The following ASB9 variants were observed in gnomAD, a reference collection of about 807,000 sequenced individuals.
The protein encoded by ASB9 is ankyrin repeat and SOCS box protein 9.
A neutral mutation model predicts 16.6 loss-of-function variants in ASB9; 5 were observed. The ratio of observed to expected loss-of-function variants is 0.30; its 90% CI spans 0.16 to 0.63. ASB9 has a LOEUF of 0.63. Among genes scored for constraint, ASB9 ranks in the 30% least tolerant of loss-of-function variants. ASB9 has a pLI of 0.82. For missense variants in ASB9, 216 were observed against 229.4 expected (o/e 0.94, Z 0.38); for synonymous variants, 100 against 86.4 (o/e 1.16, Z -0.87).
Position 15,244,565 on chromosome X carries a change from G to A in ASB9, c.826C>T (p.His276Tyr). 1 of 1,196,367 alleles carries A rather than the reference G, an allele frequency of 8.4e-7. No individual in the cohort carries two copies. Among genetic ancestry groups the A allele is most frequent in the Non-Finnish European group, 1.1e-6 (1 of 882,164 alleles). ...IRKCFGIQQH[H>Y]KITKLVLPED... is the part of the protein sequence containing the mutation. ...GGGAGGACGAGTTTGGTTATCTTAT[G>A]ATGCTGCTGGATTCCAAAACACTTC... The change falls in exon 7 of 7, where the codon CAT (histidine) becomes TAT (tyrosine). Residue 276 changes from histidine (H) to tyrosine (Y), a missense_variant. His to Tyr is a moderately conservative substitution (Grantham distance 83). Transcript: ENST00000380488.
chrX:15,248,590 T>C, intron 6 of ASB9, 154 bp downstream of exon 6: 2 of 946,300 alleles, frequency 2.1e-6, no homozygotes. Context: ...CTGTATCTCA[T>C]TGAATATTGA....
At chrX:15,251,617 C>T (rs1925126686) in intron 4 of ASB9, among the ~76,000 whole-genome samples, 1 of 111,984 alleles carries the variant, frequency 8.9e-6, no homozygotes, top group Admixed American at 9.5e-5. Context: ...AGAAAGCCCT[C>T]TGGCAAGGTA....
Position 15,248,833 on chromosome X carries a change from T to C in ASB9, c.671A>G (p.Asp224Gly), listed in dbSNP as rs763493741. ...LACLLMDFGADTQAKNAEGKR... is the reference protein window; with the variant it reads ...LACLLMDFGAGTQAKNAEGKR... Reference sequence around the variant, plus strand: ...GCCTTCAGCATTCTTGGCCTGGGTGTCCGCTCCAAAATCCATGAGCAGGCA... The same window carrying C: ...GCCTTCAGCATTCTTGGCCTGGGTGCCCGCTCCAAAATCCATGAGCAGGCA... Residue 224 changes from aspartate to glycine, a missense_variant, in exon 6 of 7, where the codon GAC becomes GGC. By Grantham distance (94) the Asp-to-Gly change is moderately conservative. Coordinates refer to ENST00000380488, the MANE Select transcript of ASB9 (RefSeq NM_001031739.3). 5.8e-6 allele frequency: 7 copies of C among 1,211,696 alleles called. No homozygotes were observed. Among genetic ancestry groups the C allele is most frequent in the Non-Finnish European group, 6.7e-6 (6 of 895,413 alleles).
At chrX:15,267,752 CAAAAA>C (rs76177108) in intron 1 of ASB9, among the ~76,000 whole-genome samples, 4,150 of 83,510 alleles carry the variant, frequency 0.05, 99 homozygotes, top group Middle Eastern at 0.079. Flanking sequence ...TCAAAAAAAA[CAAAAA>C]AAAAAAAAAA....
intron 2 of ASB9, among the ~76,000 whole-genome samples, chrX:15,258,071 G>A (rs1925718886): frequency 8.9e-6 from 1 of 112,107 alleles, no homozygotes. Context: ...AGAAATAATG[G>A]TTACTGTATC....
At position 15,248,923 on chromosome X, in the gene ASB9, T is replaced by C. The variant is rs1256505931; in HGVS notation, c.581A>G (p.Asn194Ser). Residue 194 changes from asparagine (N) to serine (S), a missense_variant, in exon 6 of 7, where the codon AAC becomes AGC. Physicochemically the swap from Asn to Ser is conservative, Grantham distance 46. Transcript: ENST00000380488. ...KKLLESGADV[N>S]QGKGQDSPLH... The stretch of plus-strand genomic sequence containing the variant: ...TGGGGAATCCTGACCTTTCCCTTGG[T>C]TCACGTCCGCTCCTAAACAGTCACG... 1 of 1,192,762 alleles carries C rather than the reference T, an allele frequency of 8.4e-7. No homozygotes were observed. The highest frequency in any genetic ancestry group is 1.9e-5 in the South Asian group (1 of 53,923).
In ASB9 at chrX:15,252,292, C is replaced by G. The variant is rs1234348778; in HGVS notation, c.395G>C (p.Ser132Thr). ...LQHGASVQPE[S>T]DLASPIHEAA... ...TTCATGGATGGGGGATGCCAGATCACTCTCAGGTTGAACGCTGGCTCCGTG... is the reference window on the plus strand; with the variant it reads ...TTCATGGATGGGGGATGCCAGATCAGTCTCAGGTTGAACGCTGGCTCCGTG... Residue 132 changes from serine to threonine, a missense_variant, in exon 4 of 7, where the codon AGT becomes ACT. Coordinates refer to ENST00000380488, the MANE Select transcript of ASB9 (RefSeq NM_001031739.3). 5.8e-6 allele frequency: 7 copies of G among 1,209,409 alleles called. No homozygotes were observed. In the Admixed American group the frequency reaches 1.5e-4, roughly 27 times the overall value.
intron 1 of ASB9, among the ~76,000 whole-genome samples, chrX:15,261,439 G>A (rs920850477): frequency 9.0e-6 from 1 of 111,508 alleles, no homozygotes; most frequent in Non-Finnish European, 1.9e-5. Context: ...AGCTCCCTAA[G>A]ATTATTATTG....
intron 6 of ASB9, among the ~76,000 whole-genome samples, chrX:15,248,026 G>T (rs1031737694): frequency 1.8e-5 from 2 of 112,051 alleles, no homozygotes; most frequent in African/African-American, 6.5e-5. Context: ...GAATCCCTAA[G>T]ACTTCAGAGT....
intron 1 of ASB9, among the ~76,000 whole-genome samples, chrX:15,260,098 A>G (rs956548704): frequency 4.5e-5 from 5 of 112,038 alleles, no homozygotes; most frequent in African/African-American, 1.6e-4. Flanking sequence ...CATCATTGCT[A>G]TTTAAAATAG....
intron 4 of ASB9, 140 bp from the exon 5 acceptor site, chrX:15,250,704 G>A: frequency 4.0e-6 from 2 of 500,963 alleles, no homozygotes; most frequent in Non-Finnish European, 6.3e-6. Flanking sequence ...TTAGAATCAG[G>A]AGTGATTTTA....
At chrX:15,257,303 G>C (rs1448249917) in intron 2 of ASB9, among the ~76,000 whole-genome samples, 1 of 110,693 alleles carries the variant, frequency 9.0e-6, no homozygotes, top group Non-Finnish European at 1.9e-5. Flanking sequence ...CAGCTACTCG[G>C]GAGGCTGAGG....
At chrX:15,262,716 C>G (rs1926071886) in intron 1 of ASB9, among the ~76,000 whole-genome samples, 1 of 112,680 alleles carries the variant, frequency 8.9e-6, no homozygotes, top group Non-Finnish European at 1.9e-5. Context: ...ACTGCAACCT[C>G]CACCTCCTGG....
At position 15,244,180 on chromosome X, in the gene ASB9, T is replaced by C. The variant is rs17216316; in HGVS notation, c.*326A>G. On this transcript the variant is annotated 3_prime_UTR_variant, in exon 7 of 7. Coordinates refer to ENST00000380488, the MANE Select transcript of ASB9 (RefSeq NM_001031739.3). ...ATCTTGACCCAGTGGCTGTGAGGGCTAAATTAGATGATGCAGAAAGTGCTT... is the reference window on the plus strand; with the variant it reads ...ATCTTGACCCAGTGGCTGTGAGGGCCAAATTAGATGATGCAGAAAGTGCTT... 6.1e-3 allele frequency: 1,095 copies of C among 179,091 alleles called. 9 individuals carry two copies. Among genetic ancestry groups the C allele is most frequent in the Non-Finnish European group, 8.6e-3 (846 of 98,010 alleles). 14.8% of individuals were successfully genotyped at this position (179,091 alleles called of 1,213,427 possible).
Position 15,251,889 on chromosome X carries a change from G to A in ASB9, c.433+365C>T, listed in dbSNP as rs748368831. Among the ~76,000 whole-genome samples the A allele has an allele frequency of 7.1e-5, 8 of 112,409 alleles. No homozygotes were observed. In the East Asian group the frequency reaches 2.2e-3, roughly 31 times the overall value. On this transcript the variant is annotated intron_variant, in intron 4 of 6. Transcript: ENST00000380488. ...TCTATAAGGTCACGGGTATAACAAC[G>A]GATTCCACAAATATTGATGGATAGT...
intron 6 of ASB9, among the ~76,000 whole-genome samples, chrX:15,246,767 G>A (rs1602134680): frequency 9.0e-6 from 1 of 111,306 alleles, no homozygotes; most frequent in Admixed American, 9.6e-5. Context: ...GTGAGCCACC[G>A]TGCCCGGCCA....
At position 15,252,305 on chromosome X, in the gene ASB9, C is replaced by T. The variant is rs964549174; in HGVS notation, c.382G>A (p.Val128Ile). 3.3e-6 allele frequency: 4 copies of T among 1,209,744 alleles called. No individual in the cohort carries two copies. Among genetic ancestry groups the T allele is most frequent in the East Asian group, 3.0e-5 (1 of 33,789 alleles). Residue 128 changes from valine to isoleucine, a missense_variant, in exon 4 of 7, where the codon GTT (valine) becomes ATT (isoleucine). Coordinates refer to ENST00000380488, the MANE Select transcript of ASB9 (RefSeq NM_001031739.3). ...GATGCCAGATCACTCTCAGGTTGAACGCTGGCTCCGTGCTGCAGAAGCAAA... is the reference window on the plus strand; with the variant it reads ...GATGCCAGATCACTCTCAGGTTGAATGCTGGCTCCGTGCTGCAGAAGCAAA... The part of the protein sequence containing the change: ...VNLLLQHGAS[V>I]QPESDLASPI...
rs1176006153 is a variant in ASB9 at position 15,248,936 on chromosome X, C to CT, written c.569-2dup. ...CCTTTCCCTTGGTTCACGTCCGCTC[C>CT]TAAACAGTCACGAGAACAAAAAAGA... On this transcript the variant is annotated splice_acceptor_variant, in intron 5 of 6. Transcript: ENST00000380488. LOFTEE classifies it high-confidence loss of function. 6.0e-6 allele frequency: 7 copies of CT among 1,166,313 alleles called. No individual in the cohort carries two copies. The highest frequency in any genetic ancestry group is 8.0e-6 in the Non-Finnish European group (7 of 871,229).
intron 1 of ASB9, among the ~76,000 whole-genome samples, chrX:15,268,257 G>A (rs890916435): frequency 1.9e-5 from 2 of 105,370 alleles, no homozygotes; most frequent in East Asian, 3.2e-4. Flanking sequence ...TCTTGAACCC[G>A]GGAGGCAGAG....
Sources: allele counts gnomAD v4.1 joint callset (sites outside exome capture counted in the v4.1 genomes callset), GRCh38; gene constraint gnomAD v4.1.1; transcripts MANE v1.5; gene names NCBI Gene and HGNC (gene_info 2026-07-23, HGNC 2026-07-21).